The following A2ML1 variants were observed in gnomAD, a reference collection of about 807,000 sequenced individuals.
A2ML1 encodes alpha-2-macroglobulin like 1, also known as alpha-2-macroglobulin-like protein 1.
A neutral mutation model predicts 181.9 loss-of-function variants in A2ML1; 161 were observed. That is an observed-to-expected ratio of 0.89 (90% CI 0.78 to 1.01). The LOEUF is 1.01. Among genes scored for constraint, A2ML1 ranks in the 50% least tolerant of loss-of-function variants. The probability of loss-of-function intolerance (pLI) is 0.00; values close to 1 mark genes in which losing one functional copy is unlikely to be tolerated. For synonymous variants in A2ML1, 663 were observed against 666.8 expected, an observed-to-expected ratio of 0.99 and a Z score of 0.09; for missense variants, 1,670 against 1,768.1, an observed-to-expected ratio of 0.94 and a Z score of 1.00.
downstream of A2ML1, chr12:8,887,066 G>T (rs1039214218): frequency 2.0e-5 from 3 of 152,018 alleles, no homozygotes; most frequent in Admixed American, 2.0e-4. Context: ...GCTGAAGTGG[G>T]AGGATCACTT....
intron 26 of A2ML1, 63 bp downstream of exon 26, chr12:8,858,165 G>A (rs1944137111): frequency 1.9e-5 from 29 of 1,542,392 alleles, no homozygotes; most frequent in Non-Finnish European, 2.3e-5. Context: ...ACCTCTGACC[G>A]AGTAGAAGCA....
At chr12:8,851,277 C>A (rs1221100472) in intron 18 of A2ML1, among the ~76,000 whole-genome samples, 1 of 152,176 alleles carries the variant, frequency 6.6e-6, no homozygotes, top group Non-Finnish European at 1.5e-5. Flanking sequence ...AGATGCCCAC[C>A]CCGACTCCCC....
At chr12:8,869,489 G>A (rs754362640) in intron 33 of A2ML1, among the ~76,000 whole-genome samples, 111 of 152,046 alleles carry the variant, frequency 7.3e-4, no homozygotes, top group Non-Finnish European at 1.2e-3. Context: ...TAAGTTTAAC[G>A]GTATATTTTA....
Position 8,867,656 on chromosome 12 carries a change from A to G in A2ML1, c.3718-186A>G, listed in dbSNP as rs756694744. On this transcript the variant is annotated intron_variant, in intron 29 of 35. Transcript: ENST00000299698. ...AAGCAAAACTCCATCTGAAAAAAAAAAAAAGCAAGCTACTGTGATTTCTAG... is the reference window on the plus strand; with the variant it reads ...AAGCAAAACTCCATCTGAAAAAAAAGAAAAGCAAGCTACTGTGATTTCTAG... Among the ~76,000 whole-genome samples, 10,054 of 152,132 alleles carry G rather than the reference A, an allele frequency of 0.066. 442 individuals carry two copies. Among genetic ancestry groups the G allele is most frequent in the Non-Finnish European group, 0.087 (5,903 of 67,986 alleles).
chr12:8,849,659 T>C lies in A2ML1; in HGVS notation c.2029-10T>C. On this transcript the variant is annotated splice_polypyrimidine_tract_variant and intron_variant, in intron 16 of 35. Transcript: ENST00000299698. ...ACCACCTTAATACTTATTTCTCTGA[T>C]GCCTATCAGGACGTGGGCCTGAAAA... 1.2e-6 allele frequency: 2 copies of C among 1,612,830 alleles called. No individual in the cohort carries two copies. Among genetic ancestry groups the C allele is most frequent in the Non-Finnish European group, 1.7e-6 (2 of 1,178,834 alleles).
chr12:8,854,406 A>G (rs1408483123), intron 21 of A2ML1, among the ~76,000 whole-genome samples, 157 bp downstream of exon 21: 3 of 151,984 alleles, frequency 2.0e-5, no homozygotes, highest in Non-Finnish European at 4.4e-5. Flanking sequence ...CCTAATCCAC[A>G]CCCACGGCCT....
intron 7 of A2ML1, among the ~76,000 whole-genome samples, 197 bp from the exon 8 acceptor site, chr12:8,837,243 C>G (rs1331533721): frequency 1.3e-5 from 2 of 151,996 alleles, no homozygotes; most frequent in Non-Finnish European, 2.9e-5. Context: ...TGGTCTTGAA[C>G]CCCTGGCCTC....
chr12:8,841,087 A>G (rs916287455), intron 10 of A2ML1, among the ~76,000 whole-genome samples: 10 of 152,168 alleles, frequency 6.6e-5, no homozygotes, highest in African/African-American at 1.9e-4. Context: ...GAGCCTGTGC[A>G]TATGAAGAGC....
intron 15 of A2ML1, 29 bp from the exon 16 acceptor site, chr12:8,848,691 C>T: frequency 6.4e-7 from 1 of 1,558,496 alleles, no homozygotes; most frequent in Non-Finnish European, 8.7e-7. Flanking sequence ...TATATCAATG[C>T]TTTATTTCCT....
rs1361126217 is a variant in A2ML1, at chr12:8,835,373, C to G, written c.484-134C>G. 13 of 1,041,212 alleles carry G rather than the reference C, an allele frequency of 1.2e-5. No homozygotes were observed. In the East Asian group the frequency reaches 3.2e-4, roughly 25 times the overall value. 64.5% of individuals were successfully genotyped at this position (1,041,212 alleles called of 1,614,324 possible). A position where few individuals can be genotyped will look rare whatever the true frequency, so the allele number is the denominator to read the frequency against. On this transcript the variant is annotated intron_variant, in intron 5 of 35. Transcript: ENST00000299698. Reference sequence around the variant, plus strand: ...ATAAATAACACAGGGAGCTGCTCTTCCTGGACACAGACCACAGGGGTCATG... The same window carrying G: ...ATAAATAACACAGGGAGCTGCTCTTGCTGGACACAGACCACAGGGGTCATG...
chr12:8,837,713 C>G, intron 8 of A2ML1, 147 bp downstream of exon 8: 1 of 884,248 alleles, frequency 1.1e-6, no homozygotes, highest in Non-Finnish European at 1.5e-6. Context: ...AACCCCGTCT[C>G]TATTAAAAAT....
chr12:8,857,895 C>A, intron 25 of A2ML1, 51 bp from the exon 26 acceptor site: 1 of 1,595,870 alleles, frequency 6.3e-7, no homozygotes, highest in Non-Finnish European at 8.6e-7. Flanking sequence ...ATGATTGCAC[C>A]CTCACCTGGA....
At chr12:8,830,169 G>A (rs746934580) in intron 4 of A2ML1, among the ~76,000 whole-genome samples, 21 of 151,982 alleles carry the variant, frequency 1.4e-4, no homozygotes, top group South Asian at 2.1e-4. Flanking sequence ...CTCCTGCCTC[G>A]GCCTCCCAAA....
chr12:8,855,709 A>T, intron 23 of A2ML1, 117 bp downstream of exon 23: 1 of 935,752 alleles, frequency 1.1e-6, no homozygotes, highest in East Asian at 2.4e-5. Flanking sequence ...ACAAGTGATG[A>T]AGGAAAAAGA....
In A2ML1 at chr12:8,852,060, C is replaced by CT; in HGVS notation, c.2463+49dup. The CT allele has an allele frequency of 6.3e-7, 1 of 1,597,470 alleles. No homozygotes were observed. Among genetic ancestry groups the CT allele is most frequent in the Non-Finnish European group, 8.6e-7 (1 of 1,166,358 alleles). On this transcript the variant is annotated intron_variant, in intron 19 of 35. Transcript: ENST00000299698. The surrounding 1 kb of genome is among the most constrained non-coding windows in gnomAD (Gnocchi z 4.2). Reference sequence around the variant, plus strand: ...TCAGGTGTCAGCCCTGGAATCACACCTCCCCCATAAGTTTGTCTCTAAATT... The same window carrying CT: ...TCAGGTGTCAGCCCTGGAATCACACCTTCCCCCATAAGTTTGTCTCTAAATT...
At chr12:8,849,519 G>T in intron 16 of A2ML1, 150 bp from the exon 17 acceptor site, 1 of 642,544 alleles carries the variant, frequency 1.6e-6, no homozygotes. Flanking sequence ...ACCAGCCTCA[G>T]TGGCTGAGTT....
At chr12:8,851,444 C>T (rs1176103144) in intron 18 of A2ML1, among the ~76,000 whole-genome samples, 3 of 151,570 alleles carry the variant, frequency 2.0e-5, no homozygotes, top group Non-Finnish European at 4.4e-5. Flanking sequence ...CTTGCCCTGT[C>T]ACCCAGGCTG....
chr12:8,827,862 T>C (rs139681764), intron 3 of A2ML1, among the ~76,000 whole-genome samples: 17 of 152,352 alleles, frequency 1.1e-4, no homozygotes, highest in Non-Finnish European at 2.1e-4. Context: ...TGAAGGCTCA[T>C]AGAGGTACCT....
intron 31 of A2ML1, 35 bp from the exon 32 acceptor site, chr12:8,868,502 T>A (rs1172108236): frequency 6.2e-7 from 1 of 1,608,762 alleles, no homozygotes; most frequent in African/African-American, 1.3e-5. Context: ...ACTGAAGTAA[T>A]AGGCTCACAT....
Sources: allele counts gnomAD v4.1 joint callset (sites outside exome capture counted in the v4.1 genomes callset), GRCh38; gene constraint gnomAD v4.1.1; non-coding constraint Gnocchi (gnomAD v3.1); transcripts MANE v1.5; gene names NCBI Gene and HGNC (gene_info 2026-07-23, HGNC 2026-07-21).